The following SEC24A variants were observed in gnomAD, a reference collection of about 807,000 sequenced individuals.
SEC24A encodes the protein protein transport protein Sec24A.
A neutral mutation model predicts 129.4 loss-of-function variants in SEC24A; 93 were observed. The ratio of observed to expected loss-of-function variants is 0.72; its 90% CI spans 0.61 to 0.85. The LOEUF is 0.85. Ranked by LOEUF, SEC24A falls within the 40% of genes least tolerant of loss-of-function variation. The pLI, the probability that SEC24A is intolerant of heterozygous loss-of-function variation, is 0.00. For synonymous variants in SEC24A, 460 were observed against 467.3 expected, an observed-to-expected ratio of 0.98 and a Z score of 0.20; for missense variants, 1,264 against 1,307.4, an observed-to-expected ratio of 0.97 and a Z score of 0.51.
chr5:134,679,882 C>T (rs2303669), intron 8 of SEC24A, among the ~76,000 whole-genome samples, 154 bp downstream of exon 8: 2,017 of 150,022 alleles, frequency 0.013, 18 homozygotes, highest in Middle Eastern at 0.041. Flanking sequence ...TTTTTCTGTG[C>T]GTTTATATTT....
intron 13 of SEC24A, among the ~76,000 whole-genome samples, chr5:134,694,499 T>C (rs951740220): frequency 6.6e-5 from 10 of 151,912 alleles, no homozygotes; most frequent in African/African-American, 1.2e-4. Flanking sequence ...TATAAAAAAT[T>C]AGCCGGGTGT....
rs570405164 is a variant in SEC24A at position 134,725,074 on chromosome 5, C to G, written c.3262C>G (p.Gln1088Glu). Residue 1088 changes from glutamine to glutamate, a missense_variant, in exon 23 of 23, where the codon CAG becomes GAG. Transcript: ENST00000398844. ...ATATTATGAATTCCTGTTGCATATA[C>G]AGCAACAAGTGAATAAATGAATGAA... The part of the protein sequence containing the change: ...LSYYEFLLHI[Q>E]QQVNK 3 of 1,514,130 alleles carry G rather than the reference C, an allele frequency of 2.0e-6. No homozygotes were observed. Among genetic ancestry groups the G allele is most frequent in the Non-Finnish European group, 2.7e-6 (3 of 1,092,066 alleles). The allele number at this position is 1,514,130 out of a possible 1,614,324, so 93.8% of individuals were successfully genotyped here. A position where few individuals can be genotyped will look rare whatever the true frequency, so the allele number is the denominator to read the frequency against.
At chr5:134,659,532 GAAAA>G (rs769423562) in intron 1 of SEC24A, among the ~76,000 whole-genome samples, 22 of 150,396 alleles carry the variant, frequency 1.5e-4, no homozygotes, top group Non-Finnish European at 2.4e-4. Flanking sequence ...AGGGATGTCA[GAAAA>G]AAAAATTTTC....
rs373618797 is a variant in SEC24A, at chr5:134,723,661, A to G, written c.3158A>G (p.Tyr1053Cys). 54 of 1,591,012 alleles carry G rather than the reference A, an allele frequency of 3.4e-5. No individual in the cohort carries two copies. Among genetic ancestry groups the G allele is most frequent in the Non-Finnish European group, 4.3e-5 (50 of 1,159,584 alleles). The stretch of plus-strand genomic sequence containing the variant: ...CAGAGACCATTTTTCCCAATACTTT[A>G]TGTAATAAGGTAAGTTGAATTTTCC... The part of the protein sequence containing the change: ...REQRPFFPIL[Y>C]VIRDESPMKA... Residue 1053 changes from tyrosine to cysteine, a missense_variant, in exon 22 of 23, where the codon TAT becomes TGT. Physicochemically the swap from Tyr to Cys is radical, Grantham distance 194. Coordinates refer to ENST00000398844, the MANE Select transcript of SEC24A (RefSeq NM_021982.3).
intron 16 of SEC24A, among the ~76,000 whole-genome samples, chr5:134,705,070 T>A (rs138297717): frequency 0.046 from 6,062 of 132,388 alleles, 171 homozygotes; most frequent in Admixed American, 0.089. Flanking sequence ...ATATTTATAT[T>A]TATATATATA....
In SEC24A at chr5:134,648,839, C is replaced by G. The variant is rs2277064; in HGVS notation, c.-238C>G. The G allele has an allele frequency of 2.4e-5, 9 of 378,468 alleles. No homozygotes were observed. The East Asian group carries it at 3.8e-4, about 16-fold the overall frequency. 23.4% of individuals were successfully genotyped at this position (378,468 alleles called of 1,614,324 possible). A position where few individuals can be genotyped will look rare whatever the true frequency, so the allele number is the denominator to read the frequency against. On this transcript the variant is annotated 5_prime_UTR_variant, in exon 1 of 23. Transcript: ENST00000398844. ...CTAGGTTTGGCTGCCGCCTTCTAGC[C>G]GGGCGTTCGCGGCCCCGCCGGCCCG...
intron 16 of SEC24A, 123 bp downstream of exon 16, chr5:134,704,055 T>C (rs907776740): frequency 2.8e-4 from 48 of 168,638 alleles, no homozygotes; most frequent in Non-Finnish European, 6.0e-5. Context: ...TTGCTGTTTT[T>C]ATTTATTTAT....
chr5:134,704,060 AT>A, intron 16 of SEC24A, 128 bp downstream of exon 16: 1 of 359,784 alleles, frequency 2.8e-6, no homozygotes, highest in African/African-American at 2.2e-5. Flanking sequence ...GTTTTTATTT[AT>A]TTATTTATTT....
intron 1 of SEC24A, among the ~76,000 whole-genome samples, chr5:134,651,273 A>AAT (rs932067738): frequency 7.5e-4 from 111 of 147,298 alleles, no homozygotes; most frequent in East Asian, 1.4e-3. Flanking sequence ...ATAAGTATAT[A>AAT]ATATATATAT....
chr5:134,697,841 T>A, intron 14 of SEC24A, 58 bp from the exon 15 acceptor site: 1 of 1,484,642 alleles, frequency 6.7e-7, no homozygotes, highest in Non-Finnish European at 9.2e-7. Flanking sequence ...CTTTAGTTAC[T>A]TTGGTGTAGT....
chr5:134,685,091 C>T lies in SEC24A; in HGVS notation c.1492-1699C>T, dbSNP rs895619767. 2.6e-5 allele frequency among the ~76,000 whole-genome samples: 4 copies of T among 152,202 alleles called. No individual in the cohort carries two copies. The East Asian group carries it at 7.7e-4, about 29-fold the overall frequency. ...AAACACAGTAAAAAATATTATAGGA[C>T]AGACATGGTGGCTCACACCTATAAT... is the stretch of plus-strand genomic sequence containing the variant. On this transcript the variant is annotated intron_variant, in intron 9 of 22. Coordinates refer to ENST00000398844, the MANE Select transcript of SEC24A (RefSeq NM_021982.3).
intron 9 of SEC24A, 30 bp from the exon 10 acceptor site, chr5:134,686,760 A>G (rs760061874): frequency 2.3e-6 from 3 of 1,295,666 alleles, no homozygotes; most frequent in Non-Finnish European, 3.3e-6. Context: ...ATCCTGTTAA[A>G]TGTACTTAAC....
chr5:134,695,539 C>A (rs1290325732), intron 13 of SEC24A, among the ~76,000 whole-genome samples: 1 of 152,138 alleles, frequency 6.6e-6, no homozygotes, highest in Admixed American at 6.5e-5. Context: ...GTAATTCCAG[C>A]ACTTTGGGAG....
intron 2 of SEC24A, among the ~76,000 whole-genome samples, chr5:134,666,594 A>AAG (rs1232600974): frequency 2.5e-5 from 3 of 119,798 alleles, no homozygotes. Context: ...GAAAGAAAGA[A>AAG]AGAAAAAAGG....
chr5:134,658,262 C>A (rs953502006), intron 1 of SEC24A, among the ~76,000 whole-genome samples: 1 of 152,058 alleles, frequency 6.6e-6, no homozygotes, highest in Non-Finnish European at 1.5e-5. Context: ...CAGAGCGAGA[C>A]TCTGTCTCAA....
intron 18 of SEC24A, among the ~76,000 whole-genome samples, chr5:134,714,051 A>G (rs183350514): frequency 6.6e-6 from 1 of 152,118 alleles, no homozygotes; most frequent in East Asian, 1.9e-4. Flanking sequence ...CAAAAAAAAA[A>G]CCTTACCCAT....
intron 19 of SEC24A, among the ~76,000 whole-genome samples, chr5:134,717,236 A>C (rs1270210451): frequency 1.3e-5 from 2 of 151,982 alleles, no homozygotes; most frequent in Non-Finnish European, 2.9e-5. Context: ...AGGCACGGTA[A>C]ATCACACCTG....
At chr5:134,660,460 G>A (rs1750413194) in intron 1 of SEC24A, among the ~76,000 whole-genome samples, 1 of 151,758 alleles carries the variant, frequency 6.6e-6, no homozygotes, top group South Asian at 2.1e-4. Context: ...GCTGTGAGAT[G>A]GCCTATTTTT....
At chr5:134,699,301 C>CGTTTTTTTTTTTT (rs1429369613) in intron 15 of SEC24A, among the ~76,000 whole-genome samples, 2 of 138,372 alleles carry the variant, frequency 1.4e-5, no homozygotes, top group African/African-American at 5.5e-5. Flanking sequence ...CCATTTTATC[C>CGTTTTTTTTTTTT]TTTTTTTTTT....
Sources: gnomAD v4.1 joint callset for allele counts (sites outside exome capture counted in the v4.1 genomes callset) on GRCh38, gnomAD v4.1.1 for gene constraint, MANE v1.5 for transcripts, NCBI Gene and HGNC (gene_info 2026-07-23, HGNC 2026-07-21) for gene names.